DENND5B: variants seen among roughly 807,000 people sequenced by gnomAD.
DENND5B encodes DENN domain-containing protein 5B.
In DENND5B, 34 loss-of-function variants were observed where a neutral mutation model predicts 140.6. That is an observed-to-expected ratio of 0.24 (90% confidence interval 0.18 to 0.32). The LOEUF (loss-of-function observed/expected upper bound fraction) is 0.32. DENND5B is among the 10% of genes least tolerant of loss of function. DENND5B has a pLI of 1.00. For missense variants in DENND5B, 1,142 were observed against 1,560.2 expected (o/e 0.73, Z 4.52); for synonymous variants, 551 against 562.1 (o/e 0.98, Z 0.28).
chr12:31,492,532 C>T (rs1946570289), intron 2 of DENND5B, among the ~76,000 whole-genome samples: 1 of 152,150 alleles, frequency 6.6e-6, no homozygotes, highest in Non-Finnish European at 1.5e-5. Flanking sequence ...CAGGGCCTCC[C>T]TATGTTGCTT....
chr12:31,517,113 C>A (rs1947688942), intron 1 of DENND5B, among the ~76,000 whole-genome samples: 1 of 151,724 alleles, frequency 6.6e-6, no homozygotes, highest in Non-Finnish European at 1.5e-5. Flanking sequence ...GAAAAAAAAA[C>A]AGAAATAAAA....
At chr12:31,517,428 G>A (rs1248879159) in intron 1 of DENND5B, among the ~76,000 whole-genome samples, 3 of 152,168 alleles carry the variant, frequency 2.0e-5, no homozygotes, top group South Asian at 2.1e-4. Flanking sequence ...CCTTTGTCTT[G>A]AGACTTAAGG....
chr12:31,439,747 T>C (rs909801684), intron 7 of DENND5B, among the ~76,000 whole-genome samples: 4 of 151,668 alleles, frequency 2.6e-5, no homozygotes, highest in African/African-American at 7.3e-5. Flanking sequence ...CTAACCAACA[T>C]AGTAAAACCC....
chr12:31,413,367 A>C (rs191222167), intron 13 of DENND5B, 69 bp downstream of exon 13: 1 of 1,550,750 alleles, frequency 6.4e-7, no homozygotes, highest in East Asian at 2.3e-5. Flanking sequence ...CCAGTTTGTC[A>C]GTTTATGCAA....
intron 2 of DENND5B, among the ~76,000 whole-genome samples, chr12:31,483,765 T>C (rs531846979): frequency 6.6e-6 from 1 of 152,214 alleles, no homozygotes; most frequent in African/African-American, 2.4e-5. Flanking sequence ...TTTCTCGCTT[T>C]ATGTTTTTTT....
At chr12:31,427,029 A>C (rs1943269266) in intron 8 of DENND5B, among the ~76,000 whole-genome samples, 1 of 151,914 alleles carries the variant, frequency 6.6e-6, no homozygotes, top group Non-Finnish European at 1.5e-5. Flanking sequence ...ATGCCCCCCT[A>C]CCTCCCCAAA....
In DENND5B at chr12:31,496,024, G is replaced by C. The variant is rs755954341; in HGVS notation, c.128-105C>G. The C allele has an allele frequency of 4.5e-4, 315 of 695,530 alleles. 8 individuals are homozygous for C. In the Admixed American group the frequency reaches 0.01, roughly 23 times the overall value. The allele number at this position is 695,530 out of a possible 1,614,324, so 43.1% of individuals were successfully genotyped here. A position where few individuals can be genotyped will look rare whatever the true frequency, so the allele number is the denominator to read the frequency against. On this transcript the variant is annotated intron_variant, in intron 1 of 20. Coordinates refer to ENST00000389082, the MANE Select transcript of DENND5B (RefSeq NM_144973.4). ...CTACTGACTGATAATGTTGAGATCT[G>C]ATTCAATTTCTGCCTCTAACCATCT...
chr12:31,525,509 C>T (rs1250344908), intron 1 of DENND5B, among the ~76,000 whole-genome samples: 1 of 152,014 alleles, frequency 6.6e-6, no homozygotes, highest in Non-Finnish European at 1.5e-5. Flanking sequence ...TTGCCAGGAG[C>T]TGAGTGAAGG....
chr12:31,443,335 A>T (rs536054136), intron 6 of DENND5B, among the ~76,000 whole-genome samples: 1 of 152,300 alleles, frequency 6.6e-6, no homozygotes, highest in South Asian at 2.1e-4. Flanking sequence ...TTGGCCTCCC[A>T]AAGTGCTGGG....
intron 8 of DENND5B, chr12:31,426,724 T>C: frequency 3.6e-6 from 1 of 274,178 alleles, no homozygotes; most frequent in Non-Finnish European, 7.0e-6. Flanking sequence ...CAAAAGGTTG[T>C]GAAGTCAGGA....
chr12:31,578,467 G>T lies in DENND5B; in HGVS notation c.127+12239C>A, dbSNP rs148755275. 3.6e-3 allele frequency among the ~76,000 whole-genome samples: 552 copies of T among 152,244 alleles called. 5 individuals carry two copies. The highest frequency in any genetic ancestry group is 0.013 in the African/African-American group (532 of 41,530). ...AAACTATTCATAGCTCATCAGTAAC[G>T]GTAGCTTACCAGTAGCATAAAATAG... On this transcript the variant is annotated intron_variant, in intron 1 of 20. Coordinates refer to ENST00000389082, the MANE Select transcript of DENND5B (RefSeq NM_144973.4).
At chr12:31,556,212 T>C (rs1353132208) in intron 1 of DENND5B, among the ~76,000 whole-genome samples, 1 of 152,154 alleles carries the variant, frequency 6.6e-6, no homozygotes, top group Non-Finnish European at 1.5e-5. Context: ...CCCCCTTTTT[T>C]TTCTTTTTTT....
intron 5 of DENND5B, 48 bp downstream of exon 5, chr12:31,451,892 T>A (rs748285611): frequency 1.9e-5 from 30 of 1,585,750 alleles, no homozygotes; most frequent in Non-Finnish European, 2.0e-5. Context: ...TTAAAATCAA[T>A]AATAAAGCCA....
rs558004073 is a variant in DENND5B at position 31,482,230 on chromosome 12, G to C, written c.238-1975C>G. The stretch of plus-strand genomic sequence containing the variant: ...TCTTTTCTATCCAAGTTCATTTCCA[G>C]AGCAACTTCTTCCATGATTTTAAAT... On this transcript the variant is annotated intron_variant, in intron 2 of 20. Coordinates refer to ENST00000389082, the MANE Select transcript of DENND5B (RefSeq NM_144973.4). Among the ~76,000 whole-genome samples the C allele has an allele frequency of 2.0e-4, 31 of 152,182 alleles. 1 individual carries two copies. In the South Asian group the frequency reaches 5.6e-3, roughly 27 times the overall value.
intron 2 of DENND5B, among the ~76,000 whole-genome samples, chr12:31,480,637 C>T (rs1946033953): frequency 6.6e-6 from 1 of 152,086 alleles, no homozygotes; most frequent in Admixed American, 6.6e-5. Flanking sequence ...GACTTGAAGA[C>T]AGAGTAGGCA....
chr12:31,454,812 CTTTTT>C (rs201720111), intron 4 of DENND5B, among the ~76,000 whole-genome samples: 3 of 93,904 alleles, frequency 3.2e-5, no homozygotes, highest in African/African-American at 5.6e-5. Context: ...GATTCAGTAT[CTTTTT>C]TTTTTTTTTT....
At chr12:31,578,307 T>C (rs939440796) in intron 1 of DENND5B, among the ~76,000 whole-genome samples, 2 of 152,112 alleles carry the variant, frequency 1.3e-5, no homozygotes, top group Admixed American at 1.3e-4. Flanking sequence ...ACAATCCAGA[T>C]CAGCAAAAGT....
chr12:31,453,738 A>G (rs1046491562), intron 4 of DENND5B, among the ~76,000 whole-genome samples: 2 of 152,122 alleles, frequency 1.3e-5, no homozygotes, highest in African/African-American at 4.8e-5. Flanking sequence ...AGTAAGGGGA[A>G]AGGGGAAAGC....
intron 11 of DENND5B, 111 bp downstream of exon 11, chr12:31,423,486 G>T: frequency 8.9e-7 from 1 of 1,127,548 alleles, no homozygotes; most frequent in Non-Finnish European, 1.3e-6. Context: ...TCCCATTATT[G>T]GCAAAATGAG....
Sources: gnomAD v4.1 joint callset for allele counts (sites outside exome capture counted in the v4.1 genomes callset) on GRCh38, gnomAD v4.1.1 for gene constraint, MANE v1.5 for transcripts, NCBI Gene and HGNC (gene_info 2026-07-23, HGNC 2026-07-21) for gene names.